The following FAT3 variants were observed in gnomAD, a reference collection of about 807,000 sequenced individuals.
FAT3 encodes the protein FAT atypical cadherin 3, also known as protocadherin Fat 3.
A neutral mutation model predicts 310.2 loss-of-function variants in FAT3; 95 were observed. The observed-to-expected ratio is 0.31, with a 90% CI of 0.26 to 0.36. FAT3 has a LOEUF of 0.36. Ranked by LOEUF, FAT3 falls within the 10% of genes least tolerant of loss-of-function variation. FAT3 has a pLI of 1.00. For synonymous variants in FAT3, 2,314 were observed against 2,192.9 expected (o/e 1.06, Z -1.54); for missense variants, 5,408 against 5,715.6 (o/e 0.95, Z 1.74).
intron 3 of FAT3, among the ~76,000 whole-genome samples, chr11:92,625,613 C>T (rs1273633695): frequency 6.6e-6 from 1 of 152,136 alleles, no homozygotes; most frequent in Non-Finnish European, 1.5e-5. Context: ...CACACAGATG[C>T]CACACTGATG....
intron 1 of FAT3, among the ~76,000 whole-genome samples, chr11:92,292,333 A>G (rs1946713920): frequency 6.6e-6 from 1 of 152,078 alleles, no homozygotes; most frequent in East Asian, 1.9e-4. Flanking sequence ...TTTTTTAATG[A>G]ATCCAGATGT....
chr11:92,432,635 A>T (rs1455002962), intron 2 of FAT3, among the ~76,000 whole-genome samples: 1 of 152,146 alleles, frequency 6.6e-6, no homozygotes, highest in African/African-American at 2.4e-5. Context: ...TTCCTTTGGA[A>T]GATTTGTTCC....
chr11:92,683,010 G>A (rs553537980), intron 3 of FAT3, among the ~76,000 whole-genome samples: 1 of 148,738 alleles, frequency 6.7e-6, no homozygotes, highest in South Asian at 2.1e-4. Context: ...CCCAGGAGGC[G>A]GAGGTTGCAG....
intron 14 of FAT3, 88 bp downstream of exon 14, chr11:92,832,099 G>C (rs1948277035): frequency 2.9e-6 from 4 of 1,401,090 alleles, no homozygotes; most frequent in South Asian, 2.9e-5. Context: ...GGGAGGCTGA[G>C]GCAAGAAGAT....
intron 3 of FAT3, among the ~76,000 whole-genome samples, chr11:92,656,469 T>C (rs1565491124): frequency 6.6e-6 from 1 of 152,224 alleles, no homozygotes; most frequent in Non-Finnish European, 1.5e-5. Flanking sequence ...GTTTTTATAA[T>C]TCAAGCCACC....
At chr11:92,541,920 CTT>C (rs1406491434) in intron 3 of FAT3, among the ~76,000 whole-genome samples, 2 of 152,036 alleles carry the variant, frequency 1.3e-5, no homozygotes, top group Non-Finnish European at 2.9e-5. Context: ...TATTAAAACA[CTT>C]TATCTATGAT....
chr11:92,788,560 A>G (rs144863300), intron 7 of FAT3, among the ~76,000 whole-genome samples: 14 of 152,292 alleles, frequency 9.2e-5, no homozygotes, highest in Admixed American at 1.3e-4. Flanking sequence ...GAAATTTTTA[A>G]TGAATTATCT....
intron 3 of FAT3, among the ~76,000 whole-genome samples, chr11:92,648,789 T>C (rs1458933752): frequency 2.6e-5 from 4 of 152,210 alleles, no homozygotes; most frequent in Non-Finnish European, 5.9e-5. Flanking sequence ...GCCATGCTCA[T>C]TGCCTTGGAC....
At position 92,284,106 on chromosome 11, in the gene FAT3, G is replaced by A. The variant is rs902318358; in HGVS notation, c.-18+58932G>A. On this transcript the variant is annotated intron_variant, in intron 1 of 27. Transcript: ENST00000525166. Reference sequence around the variant, plus strand: ...GGATAAGCCTCAATAAATGTAGGGTGAATAGAAAAGAAAGCTAGGTGCAGA... The same window carrying A: ...GGATAAGCCTCAATAAATGTAGGGTAAATAGAAAAGAAAGCTAGGTGCAGA... Among the ~76,000 whole-genome samples the A allele has an allele frequency of 2.6e-5, 4 of 152,046 alleles. 1 individual carries two copies. The highest frequency in any genetic ancestry group is 1.3e-4 in the Admixed American group (2 of 15,266).
intron 19 of FAT3, among the ~76,000 whole-genome samples, chr11:92,854,669 A>G (rs1948923471): frequency 6.6e-6 from 1 of 152,226 alleles, no homozygotes; most frequent in Non-Finnish European, 1.5e-5. Flanking sequence ...TAAAAATGTT[A>G]CCATTATTCC....
chr11:92,865,302 C>A (rs147135277), intron 21 of FAT3, among the ~76,000 whole-genome samples: 1 of 152,168 alleles, frequency 6.6e-6, no homozygotes, highest in African/African-American at 2.4e-5. Flanking sequence ...CTGATAATCC[C>A]GAATAGGTCT....
At chr11:92,741,271 G>T (rs1352117481) in intron 4 of FAT3, among the ~76,000 whole-genome samples, 1 of 152,094 alleles carries the variant, frequency 6.6e-6, no homozygotes, top group Non-Finnish European at 1.5e-5. Flanking sequence ...GAACTCCTGG[G>T]TTCAGGCAAT....
At chr11:92,422,851 T>C (rs1301486671) in intron 2 of FAT3, among the ~76,000 whole-genome samples, 1 of 152,150 alleles carries the variant, frequency 6.6e-6, no homozygotes, top group African/African-American at 2.4e-5. Context: ...TAGATATTCG[T>C]TGCATGGCTA....
intron 3 of FAT3, among the ~76,000 whole-genome samples, chr11:92,663,859 G>A (rs557330265): frequency 6.6e-6 from 1 of 152,258 alleles, no homozygotes; most frequent in Non-Finnish European, 1.5e-5. Flanking sequence ...TGAAAATAGA[G>A]ATGAGCTTAT....
intron 3 of FAT3, among the ~76,000 whole-genome samples, chr11:92,541,287 A>C (rs1429052631): frequency 1.3e-5 from 2 of 152,198 alleles, no homozygotes; most frequent in African/African-American, 2.4e-5. Context: ...TGAATAAATA[A>C]ATGAATACAT....
At chr11:92,455,788 G>A (rs1437392880) in intron 2 of FAT3, among the ~76,000 whole-genome samples, 7 of 152,130 alleles carry the variant, frequency 4.6e-5, no homozygotes, top group Admixed American at 4.6e-4. Context: ...AAAAAAGCCA[G>A]TATCTGATGC....
rs1163412521 is a variant in FAT3 at position 92,355,356 on chromosome 11, A to T, written c.3244A>T (p.Ile1082Phe). 3 of 1,613,704 alleles carry T rather than the reference A, an allele frequency of 1.9e-6. No homozygotes were observed. Among genetic ancestry groups the T allele is most frequent in the Non-Finnish European group, 2.5e-6 (3 of 1,179,836 alleles). Residue 1082 changes from isoleucine to phenylalanine, a missense_variant, in exon 2 of 28, where the codon ATC (isoleucine) becomes TTC (phenylalanine). This residue lies in a region of FAT3 where 4,588 missense variants were observed against 4,809.8 expected (regional missense o/e 0.95). Coordinates refer to ENST00000525166, the MANE Select transcript of FAT3 (RefSeq NM_001367949.2). ...SGRDGEIQYSIRDGSGLGRFS... is the reference protein window; with the variant it reads ...SGRDGEIQYSFRDGSGLGRFS... ...AAGGGATGGAGAGATCCAGTACTCCATCAGGGATGGCAGTGGTCTTGGAAG... is the reference window on the plus strand; with the variant it reads ...AAGGGATGGAGAGATCCAGTACTCCTTCAGGGATGGCAGTGGTCTTGGAAG...
chr11:92,714,910 C>T (rs1487070961), intron 4 of FAT3, among the ~76,000 whole-genome samples: 4 of 151,948 alleles, frequency 2.6e-5, no homozygotes, highest in Non-Finnish European at 5.9e-5. Context: ...ACCCTGGTCT[C>T]GGTTATTTTA....
At chr11:92,760,615 A>G (rs10765558) in intron 4 of FAT3, among the ~76,000 whole-genome samples, 120,580 of 152,166 alleles carry the variant, frequency 0.79, 48,044 homozygotes, top group Admixed American at 0.83. Context: ...ATTAACAATG[A>G]TCTGTTTTGA....
Sources: allele counts gnomAD v4.1 joint callset (sites outside exome capture counted in the v4.1 genomes callset), GRCh38; gene constraint gnomAD v4.1.1; regional missense constraint gnomAD v4.1.1; transcripts MANE v1.5; gene names NCBI Gene and HGNC (gene_info 2026-07-23, HGNC 2026-07-21).